BANP: variants seen among roughly 807,000 people sequenced by gnomAD.
BANP encodes protein BANP.
A neutral mutation model predicts 68.1 loss-of-function variants in BANP; 11 were observed. That is an observed-to-expected ratio of 0.16 (90% CI 0.10 to 0.27). BANP has a LOEUF of 0.27. Among genes scored for constraint, BANP ranks in the 10% least tolerant of loss-of-function variants. BANP has a pLI of 1.00. For missense variants in BANP, 504 were observed against 722.7 expected, an observed-to-expected ratio of 0.70 and a Z score of 3.47; for synonymous variants, 329 against 303.2, an observed-to-expected ratio of 1.09 and a Z score of -0.88.
At position 88,057,468 on chromosome 16, in the gene BANP, G is replaced by A. The variant is rs546936612; in HGVS notation, c.1312-7799G>A. Reference sequence around the variant, plus strand: ...AGGGGGATGCCCTGGAGACTCTTGCGGTCCCCTCCACGTGTTCACCTCGTC... The same window carrying A: ...AGGGGGATGCCCTGGAGACTCTTGCAGTCCCCTCCACGTGTTCACCTCGTC... On this transcript the variant is annotated intron_variant, in intron 11 of 13. Transcript: ENST00000682872. This position sits in a 1 kb window ranked among gnomAD's most constrained non-coding sequence, Gnocchi z 4.6. 2.6e-5 allele frequency among the ~76,000 whole-genome samples: 4 copies of A among 152,130 alleles called. No homozygotes were observed. The highest frequency in any genetic ancestry group is 1.9e-4 in the East Asian group (1 of 5,168).
At chr16:87,980,742 C>G (rs2063101037) in intron 2 of BANP, 1 of 299,712 alleles carries the variant, frequency 3.3e-6, no homozygotes, top group Non-Finnish European at 6.2e-6. Flanking sequence ...TTTTCTCAAA[C>G]CAAACAGGGC....
chr16:87,949,663 C>T (rs2056622300), upstream of BANP: 1 of 152,222 alleles, frequency 6.6e-6, no homozygotes, highest in Admixed American at 6.5e-5. Flanking sequence ...TGCCAAGGCT[C>T]CTCCTTGGAG....
chr16:88,008,051 C>A (rs2071785610), intron 6 of BANP, among the ~76,000 whole-genome samples: 1 of 152,168 alleles, frequency 6.6e-6, no homozygotes, highest in African/African-American at 2.4e-5. Context: ...GCCTCCAGCC[C>A]CGGCACCCAG....
rs533062285 is a variant in BANP, at chr16:88,006,162, C to T, written c.552C>T (p.Asp184=). Residue 184 remains aspartate, a synonymous_variant, in exon 6 of 14, where the codon GAC becomes GAT. Coordinates refer to ENST00000682872, the MANE Select transcript of BANP (RefSeq NM_001386991.1). ...GCCAAGAAGACAGCCACCACGAGGA[C>T]GGGGAGAGCGGCTCGGAGGCCAGCG... ...VPGQEDSHHE[D]GESGSEASDS... is the part of the protein sequence containing the mutation. The T allele has an allele frequency of 9.3e-6, 15 of 1,613,584 alleles. No homozygotes were observed. The highest frequency in any genetic ancestry group is 4.0e-5 in the African/African-American group (3 of 75,004).
intron 1 of BANP, chr16:87,952,682 C>T (rs1597634876): frequency 6.6e-6 from 1 of 152,264 alleles, no homozygotes; most frequent in South Asian, 2.1e-4. Flanking sequence ...CACCAAAACG[C>T]GGTAAAATTC....
chr16:87,989,830 ATGGGGGATGC>A, intron 4 of BANP, among the ~76,000 whole-genome samples: 1 of 100,100 alleles, frequency 1.0e-5, no homozygotes, highest in African/African-American at 4.3e-5. Context: ...AGGGCGGGTG[ATGGGGGATGC>A]AGGCCCGCGT....
At chr16:88,046,382 C>G (rs1286610210) in intron 11 of BANP, among the ~76,000 whole-genome samples, 2 of 152,218 alleles carry the variant, frequency 1.3e-5, no homozygotes, top group Admixed American at 6.5e-5. Context: ...GTAAAGCAAT[C>G]TGACTACAAA....
chr16:87,969,505 G>T (rs942131040), intron 1 of BANP, among the ~76,000 whole-genome samples: 6 of 146,916 alleles, frequency 4.1e-5, no homozygotes, highest in Non-Finnish European at 9.0e-5. Flanking sequence ...TGTTTAAATT[G>T]TTTTAAAAAG....
chr16:87,956,091 C>G (rs1020383676), intron 1 of BANP, among the ~76,000 whole-genome samples: 12 of 152,082 alleles, frequency 7.9e-5, no homozygotes, highest in African/African-American at 2.7e-4. Context: ...TTGCAGCTCC[C>G]CCGTCAGGAT....
chr16:88,044,738 C>G (rs7184306), intron 11 of BANP, among the ~76,000 whole-genome samples: 71,764 of 152,060 alleles, frequency 0.47, 20,068 homozygotes, highest in Non-Finnish European at 0.65. Context: ...AATCCCAGCA[C>G]TTTGGGAGGC....
At position 88,071,724 on chromosome 16, in the gene BANP, G is replaced by A. The variant is rs1055106274; in HGVS notation, c.1378-345G>A. On this transcript the variant is annotated intron_variant, in intron 12 of 13. Transcript: ENST00000682872. This position sits in a 1 kb window ranked among gnomAD's most constrained non-coding sequence, Gnocchi z 6.5. Reference sequence around the variant, plus strand: ...CTTGTGCTCTTCATGGTTGCCACTGGGATTTTCCAGGAGGCTCTGTGGCAT... The same window carrying A: ...CTTGTGCTCTTCATGGTTGCCACTGAGATTTTCCAGGAGGCTCTGTGGCAT... 12 of 532,512 alleles carry A rather than the reference G, an allele frequency of 2.3e-5. No individual in the cohort carries two copies. The East Asian group carries it at 5.1e-4, about 22-fold the overall frequency. The allele number at this position is 532,512 out of a possible 1,614,324, so 33.0% of individuals were successfully genotyped here. A position where few individuals can be genotyped will look rare whatever the true frequency, so the allele number is the denominator to read the frequency against.
intron 11 of BANP, among the ~76,000 whole-genome samples, chr16:88,063,870 C>T (rs924550289): frequency 6.6e-6 from 1 of 152,008 alleles, no homozygotes. Flanking sequence ...GTAGGCATAC[C>T]CAAGTGGTGA....
chr16:87,975,429 C>G (rs906537246), intron 2 of BANP, among the ~76,000 whole-genome samples: 1 of 152,228 alleles, frequency 6.6e-6, no homozygotes, highest in Non-Finnish European at 1.5e-5. Context: ...CATCCCTGCT[C>G]CCACTCCTTG....
At position 88,018,800 on chromosome 16, in the gene BANP, G is replaced by C; in HGVS notation, c.895+133G>C. 1 of 1,223,230 alleles carries C rather than the reference G, an allele frequency of 8.2e-7. No individual in the cohort carries two copies. The highest frequency in any genetic ancestry group is 1.1e-6 in the Non-Finnish European group (1 of 893,184). The allele number at this position is 1,223,230 out of a possible 1,614,324, so 75.8% of individuals were successfully genotyped here. A position where few individuals can be genotyped will look rare whatever the true frequency, so the allele number is the denominator to read the frequency against. ...TTTCTCCAGGCGGTTTGAAATCTCA[G>C]CCCGAGGATCAGTGCTCGAGGGGAT... is the stretch of plus-strand genomic sequence containing the variant. On this transcript the variant is annotated intron_variant, in intron 7 of 13. Transcript: ENST00000682872. The surrounding 1 kb of genome is among the most constrained non-coding windows in gnomAD (Gnocchi z 7.7).
At chr16:88,006,369 A>G (rs920686990) in intron 6 of BANP, 104 bp downstream of exon 6, 12 of 1,370,434 alleles carry the variant, frequency 8.8e-6, no homozygotes, top group Non-Finnish European at 1.2e-5. Flanking sequence ...TACAGTGGCC[A>G]GGCGCGGTGG....
intron 11 of BANP, among the ~76,000 whole-genome samples, chr16:88,038,821 C>T (rs2080063208): frequency 6.6e-6 from 1 of 152,178 alleles, no homozygotes; most frequent in Non-Finnish European, 1.5e-5. Flanking sequence ...CTCTGGATCA[C>T]TGAAGAATCT....
chr16:88,065,215 GT>G, intron 11 of BANP, 51 bp from the exon 12 acceptor site: 1 of 687,738 alleles, frequency 1.5e-6, no homozygotes. Flanking sequence ...GCAAGGCAGG[GT>G]TGGTCCTTCT....
chr16:88,006,090 C>T lies in BANP; in HGVS notation c.480C>T (p.Asn160=), dbSNP rs116714118. Residue 160 remains asparagine, a splice_region_variant and synonymous_variant, in exon 6 of 14, where the codon AAC becomes AAT. Coordinates refer to ENST00000682872, the MANE Select transcript of BANP (RefSeq NM_001386991.1). ...APDSLENVIS[N]AVPGRRQNTI... The stretch of plus-strand genomic sequence containing the variant: ...CTGGTGTGTTTTTTTTCCCGTTTAG[C>T]GCTGTGCCTGGGCGTCGGCAGAACA... The T allele has an allele frequency of 7.2e-4, 1,161 of 1,613,734 alleles. 6 individuals carry two copies. The African/African-American group carries it at 0.014, about 19-fold the overall frequency.
At chr16:88,061,662 TTTTC>T (rs899219861) in intron 11 of BANP, among the ~76,000 whole-genome samples, 7 of 122,440 alleles carry the variant, frequency 5.7e-5, no homozygotes, top group Non-Finnish European at 1.2e-4. Context: ...AGCACCTCAT[TTTTC>T]TTTCTTTTTT....
Sources: gnomAD v4.1 joint callset for allele counts (sites outside exome capture counted in the v4.1 genomes callset) on GRCh38, gnomAD v4.1.1 for gene constraint, Gnocchi (gnomAD v3.1) non-coding constraint, MANE v1.5 for transcripts, NCBI Gene and HGNC (gene_info 2026-07-23, HGNC 2026-07-21) for gene names.